The following PAPOLB variants were observed in gnomAD, a reference collection of about 807,000 sequenced individuals.
PAPOLB encodes the protein poly(A) polymerase beta, also known as PAP-beta.
Under a neutral mutation model 23.2 loss-of-function variants are expected in PAPOLB, and 19 were observed. The observed-to-expected ratio is 0.82, with a 90% CI of 0.57 to 1.20. PAPOLB has a LOEUF of 1.20. Ranked by LOEUF, PAPOLB falls within the 50% of genes most tolerant of loss-of-function variation. The pLI is 0.00. For synonymous variants in PAPOLB, 360 were observed against 290.7 expected (o/e 1.24, Z -2.43); for missense variants, 822 against 776.8 (o/e 1.06, Z -0.69).
rs772459712 is a variant in PAPOLB at position 4,861,744 on chromosome 7, C to G, written c.67G>C (p.Val23Leu). The change falls in exon 1 of 1, where the codon GTC (valine) becomes CTC (leucine). Residue 23 changes from valine to leucine, a missense_variant. Transcript: ENST00000404991. ...ACCGCTAGACTGATAGGCGAGGAGA[C>G]GCCGTAGCGATTCGGCGGCGGCGCC... The part of the protein sequence containing the change: ...QPAPPPNRYG[V>L]SSPISLAVPK... 5 of 1,506,652 alleles carry G rather than the reference C, an allele frequency of 3.3e-6. 1 individual carries two copies. In the South Asian group the frequency reaches 6.8e-5, roughly 21 times the overall value. 93.3% of individuals were successfully genotyped at this position (1,506,652 alleles called of 1,614,324 possible).
At position 4,857,895 on chromosome 7, in the gene PAPOLB, T is replaced by C. The variant is rs1448624623; in HGVS notation, c.*2002A>G. On this transcript the variant is annotated 3_prime_UTR_variant, in exon 1 of 1. Transcript: ENST00000404991. ...AAAAAATGGTCTGACATTCAGGTAA[T>C]AAAAATTAGAAATAAAAAGTCCCAA... 6.6e-6 allele frequency: 1 copy of C among 152,544 alleles called. No individual in the cohort carries two copies. Among genetic ancestry groups the C allele is most frequent in the Non-Finnish European group, 1.5e-5 (1 of 67,994 alleles). 9.4% of individuals were successfully genotyped at this position (152,544 alleles called of 1,614,324 possible).
rs1307645211 is a variant in PAPOLB at position 4,861,075 on chromosome 7, C to T, written c.736G>A (p.Gly246Arg). 6.2e-6 allele frequency: 10 copies of T among 1,614,182 alleles called. No homozygotes were observed. Among genetic ancestry groups the T allele is most frequent in the Middle Eastern group, 1.6e-4 (1 of 6,062 alleles). ...ACTAGCATGGCCCAGGAAACACCTCCGAGGAAACCTAATATATTGGAATAG... is the reference window on the plus strand; with the variant it reads ...ACTAGCATGGCCCAGGAAACACCTCTGAGGAAACCTAATATATTGGAATAG... ...NIYSNILGFLGGVSWAMLVAR... is the reference protein window; with the variant it reads ...NIYSNILGFLRGVSWAMLVAR... The change falls in exon 1 of 1, where the codon GGA becomes AGA. Residue 246 changes from glycine (G) to arginine (R), a missense_variant. Coordinates refer to ENST00000404991, the MANE Select transcript of PAPOLB (RefSeq NM_020144.5).
Position 4,860,896 on chromosome 7 carries a change from T to C in PAPOLB, c.915A>G (p.Val305=), listed in dbSNP as rs777043398. Residue 305 remains valine (V), a synonymous_variant, in exon 1 of 1, where the codon GTA becomes GTG. Transcript: ENST00000404991. ...NLNLPVWDPR[V]NPSDRYHLMP... Reference sequence around the variant, plus strand: ...TAAGATGGTACCTATCACTGGGATTTACTCTTGGGTCCCATACAGGCAAAT... The same window carrying C: ...TAAGATGGTACCTATCACTGGGATTCACTCTTGGGTCCCATACAGGCAAAT... 1 of 1,614,240 alleles carries C rather than the reference T, an allele frequency of 6.2e-7. No individual in the cohort carries two copies. The highest frequency in any genetic ancestry group is 2.2e-5 in the East Asian group (1 of 44,884).
Position 4,860,191 on chromosome 7 carries a change from A to T in PAPOLB, c.1620T>A (p.Thr540=). The T allele has an allele frequency of 6.2e-7, 1 of 1,614,032 alleles. No homozygotes were observed. Among genetic ancestry groups the T allele is most frequent in the Non-Finnish European group, 8.5e-7 (1 of 1,179,886 alleles). The change falls in exon 1 of 1, where the codon ACT becomes ACA. Residue 540 remains threonine, a synonymous_variant. Coordinates refer to ENST00000404991, the MANE Select transcript of PAPOLB (RefSeq NM_020144.5). ...CENSMSVPSS[T]STMKTGPLIS... ...TCAATGGGCCTGTCTTCATAGTGCT[A>T]GTAGATGAAGGCACAGACATGCTGT...
chr7:4,859,656 A>C lies in PAPOLB; in HGVS notation c.*241T>G. ...GGCAGATATTGTTCATGGACCCTTG[A>C]GGTTGTTTTTAACCATTCAACCTGT... On this transcript the variant is annotated 3_prime_UTR_variant, in exon 1 of 1. Coordinates refer to ENST00000404991, the MANE Select transcript of PAPOLB (RefSeq NM_020144.5). 1 of 507,192 alleles carries C rather than the reference A, an allele frequency of 2.0e-6. No individual in the cohort carries two copies. The highest frequency in any genetic ancestry group is 3.4e-5 in the East Asian group (1 of 29,146). 31.4% of individuals were successfully genotyped at this position (507,192 alleles called of 1,614,324 possible). A position where few individuals can be genotyped will look rare whatever the true frequency, so the allele number is the denominator to read the frequency against.
chr7:4,861,854 AC>A lies in PAPOLB; in HGVS notation c.-45del. The A allele has an allele frequency of 7.5e-7, 1 of 1,337,452 alleles. No individual in the cohort carries two copies. The highest frequency in any genetic ancestry group is 9.8e-7 in the Non-Finnish European group (1 of 1,022,534). The allele number at this position is 1,337,452 out of a possible 1,614,324, so 82.8% of individuals were successfully genotyped here. On this transcript the variant is annotated 5_prime_UTR_variant, in exon 1 of 1. The change abolishes the stop of an existing upstream ORF in the 5' untranslated region. Transcript: ENST00000404991. ...CCAGGGCACGTCCCCCACCACCGCG[AC>A]CTTCGCGGCCGCCGCCCGGGTCATG...
At position 4,860,067 on chromosome 7, in the gene PAPOLB, T is replaced by C. The variant is rs1167684179; in HGVS notation, c.1744A>G (p.Thr582Ala). 1.2e-6 allele frequency: 2 copies of C among 1,613,914 alleles called. No homozygotes were observed. The highest frequency in any genetic ancestry group is 1.7e-5 in the Admixed American group (1 of 60,002). Residue 582 changes from threonine (T) to alanine (A), a missense_variant, in exon 1 of 1, where the codon ACC becomes GCC. Physicochemically the swap from Thr to Ala is moderately conservative, Grantham distance 58 (BLOSUM62 0). This residue lies in a region of PAPOLB where 534 missense variants were observed against 502.8 expected (regional missense o/e 1.06). Transcript: ENST00000404991. ...ATEFSLQQVNTNESSGVALNE... is the reference protein window; with the variant it reads ...ATEFSLQQVNANESSGVALNE... ...AATGCAACCCCTGAACTTTCATTGG[T>C]ATTCACCTGTTGCAAGGAAAATTCA...
In PAPOLB at chr7:4,860,066, G is replaced by A; in HGVS notation, c.1745C>T (p.Thr582Ile). The change falls in exon 1 of 1, where the codon ACC becomes ATC. Residue 582 changes from threonine (T) to isoleucine (I), a missense_variant. Coordinates refer to ENST00000404991, the MANE Select transcript of PAPOLB (RefSeq NM_020144.5). Reference sequence around the variant, plus strand: ...TAATGCAACCCCTGAACTTTCATTGGTATTCACCTGTTGCAAGGAAAATTC... The same window carrying A: ...TAATGCAACCCCTGAACTTTCATTGATATTCACCTGTTGCAAGGAAAATTC... Reference protein sequence around the residue: ...ATEFSLQQVNTNESSGVALNE... With the variant: ...ATEFSLQQVNINESSGVALNE... The A allele has an allele frequency of 2.5e-6, 4 of 1,613,974 alleles. 1 individual carries two copies. Among genetic ancestry groups the A allele is most frequent in the Non-Finnish European group, 3.4e-6 (4 of 1,179,884 alleles).
chr7:4,861,797 G>C lies in PAPOLB; in HGVS notation c.14C>G (p.Pro5Arg), dbSNP rs778906626. 2 of 1,423,528 alleles carry C rather than the reference G, an allele frequency of 1.4e-6. No individual in the cohort carries two copies. Among genetic ancestry groups the C allele is most frequent in the African/African-American group, 3.5e-5 (2 of 57,570 alleles). 88.2% of individuals were successfully genotyped at this position (1,423,528 alleles called of 1,614,324 possible). A position where few individuals can be genotyped will look rare whatever the true frequency, so the allele number is the denominator to read the frequency against. The change falls in exon 1 of 1, where the codon CCG (proline) becomes CGG (arginine). Residue 5 changes from proline (P) to arginine (R), a missense_variant. Physicochemically the swap from Pro to Arg is moderately radical, Grantham distance 103. Transcript: ENST00000404991. ...CTGCGGTGGTCCCTGGGTTGTCACC[G>C]GAAACGGCATCATCTTTCAGCGCCC... is the stretch of plus-strand genomic sequence containing the variant. MMPF[P>R]VTTQGPPQPA...
In PAPOLB at chr7:4,861,551, G is replaced by A. The variant is rs1263119257; in HGVS notation, c.260C>T (p.Pro87Leu). ...IREISESKSL[P>L]QSVIENVGGK... ...TCCAACGTTTTCAATTACAGACTGG[G>A]GAAGACTCTTGCTTTCACTGATTTC... Residue 87 changes from proline (P) to leucine (L), a missense_variant, in exon 1 of 1, where the codon CCC becomes CTC. Around this residue, in one of 3 missense-constraint regions of PAPOLB, gnomAD observed 276 missense variants for 243.9 expected, o/e 1.13. Coordinates refer to ENST00000404991, the MANE Select transcript of PAPOLB (RefSeq NM_020144.5). 1 of 1,613,924 alleles carries A rather than the reference G, an allele frequency of 6.2e-7. No homozygotes were observed. Among genetic ancestry groups the A allele is most frequent in the African/African-American group, 1.3e-5 (1 of 74,948 alleles).
rs1300758352 is a variant in PAPOLB at position 4,860,819 on chromosome 7, G to C, written c.992C>G (p.Ser331Cys). 1 of 1,614,154 alleles carries C rather than the reference G, an allele frequency of 6.2e-7. No homozygotes were observed. Among genetic ancestry groups the C allele is most frequent in the Non-Finnish European group, 8.5e-7 (1 of 1,180,028 alleles). The stretch of plus-strand genomic sequence containing the variant: ...AATCATGACCATCCTGGTTGAAATA[G>C]ACACGTTGTATGTGGAGTTCTGCTG... ...YPQQNSTYNV[S>C]ISTRMVMIEE... The change falls in exon 1 of 1, where the codon TCT becomes TGT. Residue 331 changes from serine to cysteine, a missense_variant. Physicochemically the swap from Ser to Cys is moderately radical, Grantham distance 112. Transcript: ENST00000404991.
rs1783943305 is a variant in PAPOLB, at chr7:4,860,124, T to C, written c.1687A>G (p.Met563Val). ...TGTATGTTAGCCACAGATGCTGTCATTACAGCCAAGGCAGGACTGTTTCTA... is the reference window on the plus strand; with the variant it reads ...TGTATGTTAGCCACAGATGCTGTCACTACAGCCAAGGCAGGACTGTTTCTA... ...QGRNSPALAV[M>V]TASVANIQAT... The change falls in exon 1 of 1, where the codon ATG becomes GTG. Residue 563 changes from methionine (M) to valine (V), a missense_variant. Physicochemically the swap from Met to Val is conservative, Grantham distance 21. Around this residue, in one of 3 missense-constraint regions of PAPOLB, gnomAD observed 534 missense variants for 502.8 expected, o/e 1.06. Coordinates refer to ENST00000404991, the MANE Select transcript of PAPOLB (RefSeq NM_020144.5). 1.2e-6 allele frequency: 2 copies of C among 1,613,920 alleles called. No individual in the cohort carries two copies. Among genetic ancestry groups the C allele is most frequent in the East Asian group, 2.2e-5 (1 of 44,902 alleles).
At position 4,859,315 on chromosome 7, in the gene PAPOLB, A is replaced by T. The variant is rs1783912951; in HGVS notation, c.*582T>A. The T allele has an allele frequency of 6.5e-6, 1 of 152,914 alleles. No individual in the cohort carries two copies. The highest frequency in any genetic ancestry group is 2.4e-5 in the African/African-American group (1 of 41,462). The allele number at this position is 152,914 out of a possible 1,614,324, so 9.5% of individuals were successfully genotyped here. On this transcript the variant is annotated 3_prime_UTR_variant, in exon 1 of 1. Transcript: ENST00000404991. ...ATAAAGTGCCTCATCAGTATAAGGA[A>T]TTCTGATACCAGTTTGTATTGCATA...
Position 4,858,884 on chromosome 7 carries a change from G to A in PAPOLB, c.*1013C>T, listed in dbSNP as rs1033840811. 3 of 152,208 alleles carry A rather than the reference G, an allele frequency of 2.0e-5. No homozygotes were observed. The highest frequency in any genetic ancestry group is 2.0e-4 in the Admixed American group (3 of 15,280). 9.4% of individuals were successfully genotyped at this position (152,208 alleles called of 1,614,324 possible). ...AGCATACTGTGTGCATACAGGCAAA[G>A]AGAAGAGAGGGAGGCAAAAAGCTTT... On this transcript the variant is annotated 3_prime_UTR_variant, in exon 1 of 1. Transcript: ENST00000404991.
rs1444485546 is a variant in PAPOLB, at chr7:4,858,793, A to G, written c.*1104T>C. 1 of 152,362 alleles carries G rather than the reference A, an allele frequency of 6.6e-6. No homozygotes were observed. The highest frequency in any genetic ancestry group is 1.5e-5 in the Non-Finnish European group (1 of 68,016). 9.4% of individuals were successfully genotyped at this position (152,362 alleles called of 1,614,324 possible). On this transcript the variant is annotated 3_prime_UTR_variant, in exon 1 of 1. Coordinates refer to ENST00000404991, the MANE Select transcript of PAPOLB (RefSeq NM_020144.5). ...TTGGTGTTTTGTGCCATGTGGCCACAGGATTGTCAGTTTCACATCATGGTT... is the reference window on the plus strand; with the variant it reads ...TTGGTGTTTTGTGCCATGTGGCCACGGGATTGTCAGTTTCACATCATGGTT...
rs1783929911 is a variant in PAPOLB at position 4,859,834 on chromosome 7, CTT to C, written c.*61_*62del. The C allele has an allele frequency of 4.9e-6, 5 of 1,028,358 alleles. No homozygotes were observed. The highest frequency in any genetic ancestry group is 2.3e-4 in the Middle Eastern group (1 of 4,320). The allele number at this position is 1,028,358 out of a possible 1,614,324, so 63.7% of individuals were successfully genotyped here. A position where few individuals can be genotyped will look rare whatever the true frequency, so the allele number is the denominator to read the frequency against. On this transcript the variant is annotated 3_prime_UTR_variant, in exon 1 of 1. Transcript: ENST00000404991. Reference sequence around the variant, plus strand: ...CTTGTCTTTGTATTGAGTTTCTCCTCTTCCGTTTTGGTTTTCTTGGTCCTTTC... The same window carrying C: ...CTTGTCTTTGTATTGAGTTTCTCCTCCCGTTTTGGTTTTCTTGGTCCTTTC...
chr7:4,861,856 C>G lies in PAPOLB; in HGVS notation c.-46G>C. On this transcript the variant is annotated 5_prime_UTR_variant, in exon 1 of 1. Transcript: ENST00000404991. ...AGGGCACGTCCCCCACCACCGCGAC[C>G]TTCGCGGCCGCCGCCCGGGTCATGA... 1 of 1,331,904 alleles carries G rather than the reference C, an allele frequency of 7.5e-7. No homozygotes were observed. Among genetic ancestry groups the G allele is most frequent in the Non-Finnish European group, 9.8e-7 (1 of 1,017,306 alleles). 82.5% of individuals were successfully genotyped at this position (1,331,904 alleles called of 1,614,324 possible). A position where few individuals can be genotyped will look rare whatever the true frequency, so the allele number is the denominator to read the frequency against.
At position 4,860,706 on chromosome 7, in the gene PAPOLB, A is replaced by G. The variant is rs1783966095; in HGVS notation, c.1105T>C (p.Phe369Leu). Residue 369 changes from phenylalanine to leucine, a missense_variant, in exon 1 of 1, where the codon TTT becomes CTT. By Grantham distance (22) the Phe-to-Leu change is conservative. Transcript: ENST00000404991. ...ACAATATAATGCTTGTACTTTTGAA[A>G]GAAGCTTGGAGCTTCAAAGAGTTTG... ...WSKLFEAPSF[F>L]QKYKHYIVLL... 2 of 1,614,066 alleles carry G rather than the reference A, an allele frequency of 1.2e-6. No homozygotes were observed. The highest frequency in any genetic ancestry group is 1.1e-5 in the South Asian group (1 of 91,088).
Position 4,861,853 on chromosome 7 carries a change from G to C in PAPOLB, c.-43C>G, listed in dbSNP as rs769319203. ...GCCAGGGCACGTCCCCCACCACCGC[G>C]ACCTTCGCGGCCGCCGCCCGGGTCA... is the stretch of plus-strand genomic sequence containing the variant. On this transcript the variant is annotated 5_prime_UTR_variant, in exon 1 of 1. Transcript: ENST00000404991. 7.5e-7 allele frequency: 1 copy of C among 1,336,900 alleles called. No individual in the cohort carries two copies. The highest frequency in any genetic ancestry group is 9.8e-7 in the Non-Finnish European group (1 of 1,021,440). 82.8% of individuals were successfully genotyped at this position (1,336,900 alleles called of 1,614,324 possible).
Sources: gnomAD v4.1 joint callset for allele counts on GRCh38, gnomAD v4.1.1 for gene constraint, gnomAD v4.1.1 regional missense constraint, MANE v1.5 for transcripts, NCBI Gene and HGNC (gene_info 2026-07-23, HGNC 2026-07-21) for gene names.